CD2AP: variants seen among roughly 807,000 people sequenced by gnomAD.
The protein encoded by CD2AP is CD2-associated protein.
In CD2AP, 46 loss-of-function variants were observed where a neutral mutation model predicts 85.1. That is an observed-to-expected ratio of 0.54 (90% confidence interval 0.43 to 0.69). The LOEUF is 0.69. CD2AP is among the 30% of genes least tolerant of loss of function. The pLI is 0.00. For synonymous variants in CD2AP, 255 were observed against 252.9 expected (o/e 1.01, Z -0.08); for missense variants, 769 against 729.5 (o/e 1.05, Z -0.62).
chr6:47,580,867 C>T lies in CD2AP; in HGVS notation c.1012C>T (p.Pro338Ser). The T allele has an allele frequency of 6.2e-7, 1 of 1,605,910 alleles. No homozygotes were observed. Among genetic ancestry groups the T allele is most frequent in the Non-Finnish European group, 8.5e-7 (1 of 1,172,872 alleles). ...TCCACCATTATTATTTTAACAGAAA[C>T]CAAAGAAACCACCACCTCCTGCTAA... Reference protein sequence around the residue: ...INELDKDFPKPKKPPPPAKAP... With the variant: ...INELDKDFPKSKKPPPPAKAP... Residue 338 changes from proline to serine, a missense_variant, in exon 10 of 18, where the codon CCA (proline) becomes TCA (serine). By Grantham distance (74) the Pro-to-Ser change is moderately conservative. Coordinates refer to ENST00000359314, the MANE Select transcript of CD2AP (RefSeq NM_012120.3).
intron 2 of CD2AP, among the ~76,000 whole-genome samples, chr6:47,517,857 T>C (rs2114002568): frequency 6.6e-6 from 1 of 152,314 alleles, no homozygotes; most frequent in Non-Finnish European, 1.5e-5. Flanking sequence ...ATAGTATTTA[T>C]CTTATAGTGT....
intron 1 of CD2AP, among the ~76,000 whole-genome samples, chr6:47,499,549 C>T (rs1324718677): frequency 6.6e-6 from 1 of 152,118 alleles, no homozygotes; most frequent in African/African-American, 2.4e-5. Flanking sequence ...GATTAGTCTT[C>T]CTGCATGTAA....
intron 2 of CD2AP, among the ~76,000 whole-genome samples, chr6:47,508,530 CTTTCT>C (rs368301949): frequency 4.9e-4 from 60 of 122,960 alleles, no homozygotes; most frequent in Middle Eastern, 4.4e-3. Context: ...AACTTTCTTT[CTTTCT>C]TTTTTTTTTT....
rs539277380 is a variant in CD2AP at position 47,480,769 on chromosome 6, G to A, written c.4+2521G>A. ...TCTCAATTTTTGACCTTTGTTAGAA[G>A]TAGGATATTTTCTTTAAATAAAGGA... On this transcript the variant is annotated intron_variant, in intron 1 of 17. Transcript: ENST00000359314. 8.5e-5 allele frequency among the ~76,000 whole-genome samples: 13 copies of A among 152,286 alleles called. No individual in the cohort carries two copies. The East Asian group carries it at 2.5e-3, about 29-fold the overall frequency.
intron 1 of CD2AP, among the ~76,000 whole-genome samples, chr6:47,501,756 A>G (rs1410907296): frequency 6.6e-6 from 1 of 152,152 alleles, no homozygotes; most frequent in African/African-American, 2.4e-5. Flanking sequence ...TATCTTGAGC[A>G]GGAAAGCTGT....
intron 1 of CD2AP, among the ~76,000 whole-genome samples, chr6:47,493,738 A>T (rs1765788983): frequency 6.6e-6 from 1 of 151,554 alleles, no homozygotes; most frequent in Non-Finnish European, 1.5e-5. Flanking sequence ...CTGTCCTGGG[A>T]TTTTTTTGTT....
chr6:47,544,488 T>G lies in CD2AP; in HGVS notation c.320-118T>G, dbSNP rs567977688. On this transcript the variant is annotated intron_variant, in intron 3 of 17. Transcript: ENST00000359314. ...GATTGTGATTAGCTGTTTAGAATGC[T>G]CATACGTTCTGTTTTTATTTATTTA... 11 of 702,832 alleles carry G rather than the reference T, an allele frequency of 1.6e-5. No homozygotes were observed. In the Admixed American group the frequency reaches 1.6e-4, roughly 10 times the overall value. The allele number at this position is 702,832 out of a possible 1,614,324, so 43.5% of individuals were successfully genotyped here.
intron 4 of CD2AP, among the ~76,000 whole-genome samples, chr6:47,545,821 G>A (rs1022979111): frequency 2.6e-5 from 4 of 152,224 alleles, no homozygotes; most frequent in East Asian, 1.9e-4. Context: ...AGAGTACTAC[G>A]TAAAGGAGCA....
chr6:47,480,984 T>C (rs181504470), intron 1 of CD2AP, among the ~76,000 whole-genome samples: 1 of 152,364 alleles, frequency 6.6e-6, no homozygotes, highest in Admixed American at 6.5e-5. Flanking sequence ...TTGAAGTTTA[T>C]GTTTTTAGTG....
rs1765342917 is a variant in CD2AP, at chr6:47,477,919, T to C, written c.-326T>C. On this transcript the variant is annotated 5_prime_UTR_variant, in exon 1 of 18. Transcript: ENST00000359314. ...GGAGCCGAGGGTCTGGGCAAACCGG[T>C]GGGTCCCTCCCCACTGCGGGAGCGG... is the stretch of plus-strand genomic sequence containing the variant. 9.1e-5 allele frequency: 42 copies of C among 463,518 alleles called. 1 individual carries two copies. The South Asian group carries it at 1.0e-3, about 11-fold the overall frequency. 28.7% of individuals were successfully genotyped at this position (463,518 alleles called of 1,614,324 possible). A position where few individuals can be genotyped will look rare whatever the true frequency, so the allele number is the denominator to read the frequency against.
At chr6:47,484,087 T>C (rs569955397) in intron 1 of CD2AP, among the ~76,000 whole-genome samples, 1 of 152,304 alleles carries the variant, frequency 6.6e-6, no homozygotes, top group African/African-American at 2.4e-5. Flanking sequence ...TTTGGTAATG[T>C]GTACCTGTCT....
chr6:47,615,883 C>G (rs1220954643), intron 17 of CD2AP, among the ~76,000 whole-genome samples: 1 of 150,662 alleles, frequency 6.6e-6, no homozygotes, highest in Admixed American at 6.6e-5. Flanking sequence ...GAGTTCACTC[C>G]GTTCTCCCAC....
intron 17 of CD2AP, among the ~76,000 whole-genome samples, chr6:47,621,607 CGA>C (rs1041172142): frequency 6.6e-6 from 1 of 152,100 alleles, no homozygotes. Flanking sequence ...GGAATAGTGT[CGA>C]AAGGATTGGT....
intron 4 of CD2AP, among the ~76,000 whole-genome samples, chr6:47,548,446 A>G (rs1312921163): frequency 6.6e-6 from 1 of 152,274 alleles, no homozygotes; most frequent in East Asian, 1.9e-4. Flanking sequence ...TAAACTAGAA[A>G]ACCTAGAGGA....
Position 47,574,174 on chromosome 6 carries a change from G to A in CD2AP, c.652G>A (p.Asp218Asn). 1 of 1,614,076 alleles carries A rather than the reference G, an allele frequency of 6.2e-7. No individual in the cohort carries two copies. Among genetic ancestry groups the A allele is most frequent in the Non-Finnish European group, 8.5e-7 (1 of 1,179,974 alleles). The stretch of plus-strand genomic sequence containing the variant: ...GAAAATTCGAGGAATTGGATTTGGA[G>A]ACATTTTTAAAGAAGGCTCTGTGAA... ...PKKIRGIGFG[D>N]IFKEGSVKLR... is the part of the protein sequence containing the mutation. The change falls in exon 6 of 18, where the codon GAC becomes AAC. Residue 218 changes from aspartate to asparagine, a missense_variant. Coordinates refer to ENST00000359314, the MANE Select transcript of CD2AP (RefSeq NM_012120.3).
intron 1 of CD2AP, among the ~76,000 whole-genome samples, chr6:47,489,981 T>TG (rs1765686982): frequency 8.2e-6 from 1 of 122,478 alleles, no homozygotes; most frequent in African/African-American, 2.6e-5. Flanking sequence ...TTTTTTTTTT[T>TG]TTTTTTTTTA....
intron 13 of CD2AP, among the ~76,000 whole-genome samples, chr6:47,605,560 A>T (rs1051658794): frequency 2.0e-5 from 3 of 151,918 alleles, no homozygotes; most frequent in African/African-American, 7.2e-5. Context: ...TACTAAACAC[A>T]ATAATGTCTA....
intron 5 of CD2AP, among the ~76,000 whole-genome samples, chr6:47,556,340 T>C (rs928184308): frequency 1.3e-5 from 2 of 151,688 alleles, no homozygotes; most frequent in Non-Finnish European, 2.9e-5. Flanking sequence ...TTCATGAGAA[T>C]GATGGTTTCC....
chr6:47,598,266 AT>A (rs770001293), intron 12 of CD2AP, among the ~76,000 whole-genome samples: 2 of 151,052 alleles, frequency 1.3e-5, no homozygotes, highest in Non-Finnish European at 3.0e-5. Context: ...GTTAGCATGG[AT>A]GCAGTGAAAA....
Sources: allele counts gnomAD v4.1 joint callset (sites outside exome capture counted in the v4.1 genomes callset), GRCh38; gene constraint gnomAD v4.1.1; transcripts MANE v1.5; gene names NCBI Gene and HGNC (gene_info 2026-07-23, HGNC 2026-07-21).